DCDC2: variants seen among roughly 807,000 people sequenced by gnomAD.
The protein encoded by DCDC2 is doublecortin domain-containing protein 2.
Under a neutral mutation model 50.2 loss-of-function variants are expected in DCDC2, and 40 were observed. The ratio of observed to expected loss-of-function variants is 0.80; its 90% CI spans 0.62 to 1.04. DCDC2 has a LOEUF of 1.04. Ranked by LOEUF, DCDC2 falls within the 50% of genes least tolerant of loss-of-function variation. The probability of loss-of-function intolerance (pLI) is 0.00; values close to 1 mark genes in which losing one functional copy is unlikely to be tolerated. For synonymous variants in DCDC2, 234 were observed against 210.6 expected, an observed-to-expected ratio of 1.11 and a Z score of -0.96; for missense variants, 570 against 581.9, an observed-to-expected ratio of 0.98 and a Z score of 0.21.
chr6:24,246,062 G>A (rs1233651531), intron 7 of DCDC2, among the ~76,000 whole-genome samples: 8 of 151,894 alleles, frequency 5.3e-5, no homozygotes, highest in African/African-American at 1.5e-4. Flanking sequence ...GGAGTGCACT[G>A]GCACACTGCA....
intron 8 of DCDC2, among the ~76,000 whole-genome samples, chr6:24,198,370 G>A (rs997243055): frequency 6.6e-6 from 1 of 152,126 alleles, no homozygotes; most frequent in African/African-American, 2.4e-5. Flanking sequence ...AAGCAGGGTG[G>A]GGGGCACTGC....
intron 2 of DCDC2, 154 bp downstream of exon 2, chr6:24,353,411 CAAAG>C (rs1282649946): frequency 7.6e-6 from 5 of 654,654 alleles, no homozygotes; most frequent in Non-Finnish European, 1.4e-5. Flanking sequence ...GACAATGATT[CAAAG>C]AAAGAATTAT....
At chr6:24,248,663 A>C (rs1483194050) in intron 7 of DCDC2, among the ~76,000 whole-genome samples, 3 of 152,200 alleles carry the variant, frequency 2.0e-5, no homozygotes, top group African/African-American at 7.2e-5. Context: ...CCTCGAGGGC[A>C]GAAACATCTG....
intron 7 of DCDC2, among the ~76,000 whole-genome samples, chr6:24,253,426 A>G (rs1350883965): frequency 1.3e-5 from 2 of 152,212 alleles, no homozygotes; most frequent in Non-Finnish European, 2.9e-5. Context: ...TGATGCTGGA[A>G]AAAATGTAAA....
chr6:24,204,079 C>T (rs1388100894), intron 8 of DCDC2, among the ~76,000 whole-genome samples: 1 of 152,048 alleles, frequency 6.6e-6, no homozygotes, highest in Non-Finnish European at 1.5e-5. Flanking sequence ...GACAATGTGG[C>T]GATACCTCAA....
chr6:24,320,848 A>G (rs550298246), intron 2 of DCDC2, among the ~76,000 whole-genome samples: 1 of 152,208 alleles, frequency 6.6e-6, no homozygotes, highest in East Asian at 1.9e-4. Context: ...TCTCCAATAA[A>G]AGGGACTAGA....
the DCDC2 span, among the ~76,000 whole-genome samples, chr6:24,381,993 AAGGAAGGAAGGAAGGAAGGC>A: frequency 0.02 from 2,797 of 143,426 alleles, 98 homozygotes; most frequent in African/African-American, 0.065. Context: ...GGAAGGAAGG[AAGGAAGGAAGGAAGGAAGGC>A]AGGCAAGCTA....
chr6:24,269,392 T>C (rs893376184), intron 7 of DCDC2, among the ~76,000 whole-genome samples: 1 of 152,194 alleles, frequency 6.6e-6, no homozygotes, highest in African/African-American at 2.4e-5. Context: ...GGATAGTGAA[T>C]AAAGTCTGGT....
chr6:24,202,834 ACC>A (rs1298936540), intron 8 of DCDC2, among the ~76,000 whole-genome samples: 2 of 152,128 alleles, frequency 1.3e-5, no homozygotes, highest in African/African-American at 4.8e-5. Flanking sequence ...ATTCCTATAC[ACC>A]AGTAATAGAC....
chr6:24,382,249 T>C, the DCDC2 span, among the ~76,000 whole-genome samples: 1 of 152,092 alleles, frequency 6.6e-6, no homozygotes, highest in South Asian at 2.1e-4. Flanking sequence ...TGCTTGACTC[T>C]ACAGACTCCG....
the DCDC2 span, among the ~76,000 whole-genome samples, chr6:24,369,990 G>A: frequency 4.6e-5 from 7 of 152,052 alleles, no homozygotes; most frequent in East Asian, 1.4e-3. Flanking sequence ...GCTGCAGTGA[G>A]CTGAGATCAC....
At chr6:24,331,895 T>A (rs1237954297) in intron 2 of DCDC2, among the ~76,000 whole-genome samples, 1 of 152,206 alleles carries the variant, frequency 6.6e-6, no homozygotes, top group East Asian at 1.9e-4. Flanking sequence ...GGAGAAATTA[T>A]GTATAGATTG....
At chr6:24,343,140 C>T (rs187728877) in intron 2 of DCDC2, among the ~76,000 whole-genome samples, 6 of 151,642 alleles carry the variant, frequency 4.0e-5, no homozygotes, top group Admixed American at 1.3e-4. Context: ...CTCCGTCTCC[C>T]GGGTTCACAC....
chr6:24,285,735 A>C (rs1443395693), intron 6 of DCDC2, among the ~76,000 whole-genome samples: 1 of 152,178 alleles, frequency 6.6e-6, no homozygotes, highest in African/African-American at 2.4e-5. Context: ...TTTTAATTAA[A>C]ATTTTAGTTT....
intron 7 of DCDC2, among the ~76,000 whole-genome samples, chr6:24,262,376 C>T (rs920422069): frequency 2.6e-5 from 4 of 152,298 alleles, no homozygotes; most frequent in East Asian, 1.9e-4. Flanking sequence ...GGCTAAAGTG[C>T]CAGAGCACTT....
Position 24,174,026 on chromosome 6 carries a change from G to A in DCDC2, c.*704C>T, listed in dbSNP as rs1760845584. 1.3e-5 allele frequency: 2 copies of A among 152,190 alleles called. No individual in the cohort carries two copies. The highest frequency in any genetic ancestry group is 4.2e-4 in the South Asian group (2 of 4,816). 9.4% of individuals were successfully genotyped at this position (152,190 alleles called of 1,614,324 possible). A position where few individuals can be genotyped will look rare whatever the true frequency, so the allele number is the denominator to read the frequency against. On this transcript the variant is annotated 3_prime_UTR_variant, in exon 10 of 10. Transcript: ENST00000378454. ...CATCCAGGCTTTATAATATAACTGG[G>A]TGCTCCTTTACAATTCCTTCCTGAG...
At chr6:24,258,585 C>A (rs190098100) in intron 7 of DCDC2, among the ~76,000 whole-genome samples, 4 of 152,320 alleles carry the variant, frequency 2.6e-5, no homozygotes, top group South Asian at 2.1e-4. Flanking sequence ...TTCACCTCTC[C>A]GTAGCACCAC....
the DCDC2 span, among the ~76,000 whole-genome samples, chr6:24,366,851 T>A: frequency 3.3e-4 from 49 of 150,390 alleles, no homozygotes; most frequent in East Asian, 4.9e-3. Flanking sequence ...ATCTAAATCT[T>A]TTTTTTTTTC....
chr6:24,262,581 C>A (rs1581618706), intron 7 of DCDC2, among the ~76,000 whole-genome samples: 1 of 152,070 alleles, frequency 6.6e-6, no homozygotes, highest in Non-Finnish European at 1.5e-5. Flanking sequence ...CAGTACAGCT[C>A]GCAGCTTTGG....
Sources: gnomAD v4.1 joint callset for allele counts (sites outside exome capture counted in the v4.1 genomes callset) on GRCh38, gnomAD v4.1.1 for gene constraint, MANE v1.5 for transcripts, NCBI Gene and HGNC (gene_info 2026-07-23, HGNC 2026-07-21) for gene names.